Variants in AXIN2 observed in about 807,000 individuals in gnomAD.
AXIN2 encodes the protein axin 2.
A neutral mutation model predicts 74.7 loss-of-function variants in AXIN2; 21 were observed. The observed-to-expected ratio is 0.28, with a 90% CI of 0.20 to 0.40. The LOEUF (loss-of-function observed/expected upper bound fraction) is 0.40, where lower values mean the gene tolerates loss of function less well. AXIN2 is among the 10% of genes least tolerant of loss of function. The probability of loss-of-function intolerance (pLI) is 1.00; values close to 1 mark genes in which losing one functional copy is unlikely to be tolerated. For synonymous variants in AXIN2, 532 were observed against 454.9 expected (o/e 1.17, Z -2.16); for missense variants, 1,144 against 1,111.1 (o/e 1.03, Z -0.42).
At position 65,529,600 on chromosome 17, in the gene AXIN2, T is replaced by C. The variant is rs562795435; in HGVS notation, c.*376A>G. ...TGGGGATGGGGGAAATCAACTGTTC[T>C]ATAAATATCAGTAAGGATTCCTGTT... On this transcript the variant is annotated 3_prime_UTR_variant, in exon 11 of 11. Coordinates refer to ENST00000307078, the MANE Select transcript of AXIN2 (RefSeq NM_004655.4). 57 of 389,536 alleles carry C rather than the reference T, an allele frequency of 1.5e-4. 1 individual carries two copies. The highest frequency in any genetic ancestry group is 1.5e-3 in the Middle Eastern group (2 of 1,356). 24.1% of individuals were successfully genotyped at this position (389,536 alleles called of 1,614,324 possible).
At chr17:65,550,489 G>C (rs141256656) in intron 2 of AXIN2, among the ~76,000 whole-genome samples, 1 of 152,152 alleles carries the variant, frequency 6.6e-6, no homozygotes, top group Non-Finnish European at 1.5e-5. Context: ...CTCCTGCTGG[G>C]CCGCATTCCT....
chr17:65,547,651 C>T (rs1403632513), intron 3 of AXIN2, among the ~76,000 whole-genome samples: 4 of 152,206 alleles, frequency 2.6e-5, no homozygotes, highest in African/African-American at 7.2e-5. Flanking sequence ...GAAGTCTTAT[C>T]GTCTGACGTA....
At position 65,548,237 on chromosome 17, in the gene AXIN2, C is replaced by T. The variant is rs562499276; in HGVS notation, c.956+1283G>A. ...ACTTTCACCTTGAGGATATCTCTCC[C>T]TGTACTAACAAGGGAATTTGAGGTA... On this transcript the variant is annotated intron_variant, in intron 3 of 10. Coordinates refer to ENST00000307078, the MANE Select transcript of AXIN2 (RefSeq NM_004655.4). 5.4e-4 allele frequency among the ~76,000 whole-genome samples: 82 copies of T among 152,286 alleles called. 1 individual carries two copies. In the South Asian group the frequency reaches 0.016, roughly 30 times the overall value.
chr17:65,558,706 A>T lies in AXIN2; in HGVS notation c.-86T>A. ...TCGGCGTGGTCTCTCTGTCTCTCTC[A>T]AGTCAGCAGGGGCTCATCTGAACCT... On this transcript the variant is annotated 5_prime_UTR_variant, in exon 2 of 11. Coordinates refer to ENST00000307078, the MANE Select transcript of AXIN2 (RefSeq NM_004655.4). The T allele has an allele frequency of 7.3e-7, 1 of 1,366,578 alleles. No individual in the cohort carries two copies. Among genetic ancestry groups the T allele is most frequent in the Non-Finnish European group, 1.0e-6 (1 of 991,884 alleles). The allele number at this position is 1,366,578 out of a possible 1,614,324, so 84.7% of individuals were successfully genotyped here.
At position 65,529,836 on chromosome 17, in the gene AXIN2, C is replaced by T; in HGVS notation, c.*140G>A. ...ACCTCCCCCCGCCCTCCCGAAGGCC[C>T]ACTGGCCGATTCTTCCTTAGACTTT... is the stretch of plus-strand genomic sequence containing the variant. On this transcript the variant is annotated 3_prime_UTR_variant, in exon 11 of 11. Transcript: ENST00000307078. 1 of 1,443,172 alleles carries T rather than the reference C, an allele frequency of 6.9e-7. No individual in the cohort carries two copies. The highest frequency in any genetic ancestry group is 1.9e-5 in the Admixed American group (1 of 52,562). The allele number at this position is 1,443,172 out of a possible 1,614,324, so 89.4% of individuals were successfully genotyped here.
At chr17:65,555,023 C>G (rs1459431498) in intron 2 of AXIN2, among the ~76,000 whole-genome samples, 1 of 152,190 alleles carries the variant, frequency 6.6e-6, no homozygotes, top group Non-Finnish European at 1.5e-5. Context: ...CCCCCTCAAC[C>G]ACTCAGACCA....
At chr17:65,535,969 G>A (rs1438629010) in intron 8 of AXIN2, among the ~76,000 whole-genome samples, 1 of 152,154 alleles carries the variant, frequency 6.6e-6, no homozygotes, top group African/African-American at 2.4e-5. Flanking sequence ...AAGGGCTGAG[G>A]ACTCTTGATC....
Position 65,529,869 on chromosome 17 carries a change from T to TA in AXIN2, c.*106_*107insT. The stretch of plus-strand genomic sequence containing the variant: ...GATTCTTCCTTAGACTTTGTCTTCT[T>TA]CATTGGTTTAATTTTCCTTCAAAAT... On this transcript the variant is annotated 3_prime_UTR_variant, in exon 11 of 11. Transcript: ENST00000307078. The TA allele has an allele frequency of 1.3e-6, 2 of 1,593,326 alleles. No homozygotes were observed. The highest frequency in any genetic ancestry group is 8.6e-7 in the Non-Finnish European group (1 of 1,166,746).
Position 65,537,831 on chromosome 17 carries a change from T to C in AXIN2, c.1205A>G (p.Glu402Gly), listed in dbSNP as rs1555578158. The C allele has an allele frequency of 6.4e-7, 1 of 1,554,518 alleles. No homozygotes were observed. Among genetic ancestry groups the C allele is most frequent in the Non-Finnish European group, 8.7e-7 (1 of 1,150,166 alleles). Residue 402 changes from glutamate to glycine, a missense_variant, in exon 6 of 11, where the codon GAA becomes GGA. Physicochemically the swap from Glu to Gly is moderately conservative, Grantham distance 98. This residue lies in a region of AXIN2 where 1,053 missense variants were observed against 973.5 expected (regional missense o/e 1.08). Coordinates refer to ENST00000307078, the MANE Select transcript of AXIN2 (RefSeq NM_004655.4). ...EERLQQIRED[E>G]EREGSELTLN... The stretch of plus-strand genomic sequence containing the variant: ...TGTGAGCTCGGAGCCCTCTCTCTCT[T>C]CATCCTGAAAGGGAAGACGTCAGAA...
chr17:65,538,179 G>A (rs2043976438), intron 5 of AXIN2, 24 bp downstream of exon 5: 3 of 1,613,960 alleles, frequency 1.9e-6, no homozygotes, highest in East Asian at 2.2e-5. Context: ...GACGGAAGCA[G>A]GAAGAAGGCC....
At chr17:65,558,883 T>G (rs924924963) in intron 1 of AXIN2, 147 bp from the exon 2 acceptor site, 1 of 530,004 alleles carries the variant, frequency 1.9e-6, no homozygotes, top group Non-Finnish European at 3.4e-6. Context: ...ATCTGCGAGG[T>G]GCTCATCTAA....
In AXIN2 at chr17:65,555,692, C is replaced by T. The variant is rs75574465; in HGVS notation, c.815+2114G>A. On this transcript the variant is annotated intron_variant, in intron 2 of 10. Coordinates refer to ENST00000307078, the MANE Select transcript of AXIN2 (RefSeq NM_004655.4). The stretch of plus-strand genomic sequence containing the variant: ...ATTTTACAGATGGGCACATGCCATT[C>T]AGAAAGGCTTCAACACCCAAGCAGT... Among the ~76,000 whole-genome samples, 206 of 152,256 alleles carry T rather than the reference C, an allele frequency of 1.4e-3. 3 individuals carry two copies. In the East Asian group the frequency reaches 0.032, roughly 24 times the overall value.
rs1381934549 is a variant in AXIN2, at chr17:65,549,537, G to C, written c.939C>G (p.Ser313=). The C allele has an allele frequency of 6.2e-7, 1 of 1,612,572 alleles. No homozygotes were observed. Among genetic ancestry groups the C allele is most frequent in the Non-Finnish European group, 8.5e-7 (1 of 1,179,368 alleles). The part of the protein sequence containing the change: ...SSDALTDDSM[S]MTDSSVDGIP... Reference sequence around the variant, plus strand: ...ATACTCACACACTGCTGTCCGTCATGGACATGGAATCATCCGTCAGCGCAT... The same window carrying C: ...ATACTCACACACTGCTGTCCGTCATCGACATGGAATCATCCGTCAGCGCAT... Residue 313 remains serine (S), a synonymous_variant, in exon 3 of 11, where the codon TCC becomes TCG. Coordinates refer to ENST00000307078, the MANE Select transcript of AXIN2 (RefSeq NM_004655.4).
At chr17:65,541,881 G>A (rs1344774886) in intron 3 of AXIN2, among the ~76,000 whole-genome samples, 1 of 152,206 alleles carries the variant, frequency 6.6e-6, no homozygotes, top group Non-Finnish European at 1.5e-5. Context: ...GCAGAGCAAA[G>A]GCTCCCCTAT....
At chr17:65,546,748 C>T (rs1048662613) in intron 3 of AXIN2, among the ~76,000 whole-genome samples, 2 of 152,196 alleles carry the variant, frequency 1.3e-5, no homozygotes, top group Admixed American at 6.5e-5. Flanking sequence ...ACCACCAGGA[C>T]GAACAGAGCC....
intron 10 of AXIN2, among the ~76,000 whole-genome samples, chr17:65,533,685 C>A (rs1279246846): frequency 6.6e-6 from 1 of 152,168 alleles, no homozygotes; most frequent in Non-Finnish European, 1.5e-5. Flanking sequence ...CTGGCCAGGT[C>A]CCCCAGAGAA....
intron 3 of AXIN2, 46 bp from the exon 4 acceptor site, chr17:65,541,603 T>C: frequency 6.6e-7 from 1 of 1,508,454 alleles, no homozygotes; most frequent in Non-Finnish European, 9.2e-7. Flanking sequence ...CGAGGATGTT[T>C]TCAGCACATC....
rs758853047 is a variant in AXIN2 at position 65,538,077 on chromosome 17, GCCCACGCGCATGCGCATGCAA to G, written c.1200+105_1200+125del. The stretch of plus-strand genomic sequence containing the variant: ...ACGCCCAGGCACACACCCACACGCA[GCCCACGCGCATGCGCATGCAA>G]CCCACGCACATGCGCACACCCTAAC... On this transcript the variant is annotated intron_variant, in intron 5 of 10. Coordinates refer to ENST00000307078, the MANE Select transcript of AXIN2 (RefSeq NM_004655.4). 1.6e-5 allele frequency: 24 copies of G among 1,529,484 alleles called. No homozygotes were observed. In the South Asian group the frequency reaches 1.9e-4, roughly 12 times the overall value. 94.7% of individuals were successfully genotyped at this position (1,529,484 alleles called of 1,614,324 possible).
At chr17:65,530,648 G>A (rs764767539) in intron 10 of AXIN2, among the ~76,000 whole-genome samples, 1 of 152,194 alleles carries the variant, frequency 6.6e-6, no homozygotes, top group Non-Finnish European at 1.5e-5. Flanking sequence ...CCATCCTCCA[G>A]GTCCCAAGTG....
Sources: gnomAD v4.1 joint callset for allele counts (sites outside exome capture counted in the v4.1 genomes callset) on GRCh38, gnomAD v4.1.1 for gene constraint, gnomAD v4.1.1 regional missense constraint, MANE v1.5 for transcripts, NCBI Gene and HGNC (gene_info 2026-07-23, HGNC 2026-07-21) for gene names.